Variants in CRACDL observed in about 807,000 individuals in gnomAD.
The protein encoded by CRACDL is CRACD like.
A neutral mutation model predicts 70.6 loss-of-function variants in CRACDL; 26 were observed. The ratio of observed to expected loss-of-function variants is 0.37; its 90% CI spans 0.27 to 0.51. The LOEUF (loss-of-function observed/expected upper bound fraction) is 0.51, where lower values mean the gene tolerates loss of function less well. Ranked by LOEUF, CRACDL falls within the 20% of genes least tolerant of loss-of-function variation. CRACDL has a pLI of 0.94. For missense variants in CRACDL, 1,283 were observed against 1,376.9 expected, an observed-to-expected ratio of 0.93 and a Z score of 1.08; for synonymous variants, 618 against 615.2, an observed-to-expected ratio of 1.00 and a Z score of -0.07.
intron 1 of CRACDL, among the ~76,000 whole-genome samples, chr2:98,920,205 C>T (rs1443853476): frequency 3.9e-5 from 6 of 152,196 alleles, no homozygotes; most frequent in African/African-American, 1.4e-4. Flanking sequence ...AACATCTCTA[C>T]CTGTACAATG....
At chr2:98,831,314 G>C (rs1194486010) in intron 5 of CRACDL, among the ~76,000 whole-genome samples, 1 of 152,152 alleles carries the variant, frequency 6.6e-6, no homozygotes, top group Admixed American at 6.5e-5. Context: ...TGACGTTCGG[G>C]GAACTCACAA....
At chr2:98,922,074 TTTTGA>T (rs1708816729) in intron 1 of CRACDL, among the ~76,000 whole-genome samples, 1 of 152,232 alleles carries the variant, frequency 6.6e-6, no homozygotes, top group Non-Finnish European at 1.5e-5. Context: ...TTTTCTTCTT[TTTTGA>T]TTTCTTTCTT....
At chr2:98,801,787 G>A (rs1313676798) in intron 7 of CRACDL, among the ~76,000 whole-genome samples, 1 of 152,228 alleles carries the variant, frequency 6.6e-6, no homozygotes, top group Non-Finnish European at 1.5e-5. Flanking sequence ...GCGTGGTTGT[G>A]AAGATTCTGT....
intron 7 of CRACDL, among the ~76,000 whole-genome samples, chr2:98,799,981 T>C (rs1376279302): frequency 6.6e-6 from 1 of 152,180 alleles, no homozygotes; most frequent in Non-Finnish European, 1.5e-5. Flanking sequence ...CAGCATTCTC[T>C]CTTCTACTCC....
chr2:98,822,750 C>T lies in CRACDL; in HGVS notation c.1523G>A (p.Gly508Asp). ...LKHRPAAASE[G>D]PAASPPLAAA... ...GGCAAGCGGCGGGGACGCGGCGGGGCCCTCGCTGGCGGCCGCGGGCCGGTG... is the reference window on the plus strand; with the variant it reads ...GGCAAGCGGCGGGGACGCGGCGGGGTCCTCGCTGGCGGCCGCGGGCCGGTG... The change falls in exon 7 of 10, where the codon GGC (glycine) becomes GAC (aspartate). Residue 508 changes from glycine (G) to aspartate (D), a missense_variant. Coordinates refer to ENST00000397899, the MANE Select transcript of CRACDL (RefSeq NM_207362.3). This position sits in a 1 kb window ranked among gnomAD's most constrained non-coding sequence, Gnocchi z 4.9. 1 of 1,266,908 alleles carries T rather than the reference C, an allele frequency of 7.9e-7. No homozygotes were observed. Among genetic ancestry groups the T allele is most frequent in the South Asian group, 3.1e-5 (1 of 32,756 alleles). The allele number at this position is 1,266,908 out of a possible 1,614,324, so 78.5% of individuals were successfully genotyped here.
intron 3 of CRACDL, among the ~76,000 whole-genome samples, chr2:98,837,380 G>A (rs1705840713): frequency 6.6e-6 from 1 of 151,852 alleles, no homozygotes; most frequent in South Asian, 2.1e-4. Context: ...ACCCATCTCA[G>A]CGTGGTCTGT....
intron 7 of CRACDL, among the ~76,000 whole-genome samples, chr2:98,802,563 G>GTGGGA (rs1704122754): frequency 6.6e-6 from 1 of 151,816 alleles, no homozygotes; most frequent in East Asian, 1.9e-4. Context: ...CTACGCCTAC[G>GTGGGA]TGGGACAGAT....
chr2:98,825,666 G>A (rs753687021), intron 6 of CRACDL, among the ~76,000 whole-genome samples: 10 of 152,292 alleles, frequency 6.6e-5, no homozygotes, highest in South Asian at 4.1e-4. Flanking sequence ...TTGAGTGACC[G>A]GACCTTGTCA....
Position 98,822,020 on chromosome 2 carries a change from C to A in CRACDL, c.2253G>T (p.Arg751=), listed in dbSNP as rs1386231016. 6.5e-7 allele frequency: 1 copy of A among 1,537,984 alleles called. No homozygotes were observed. The highest frequency in any genetic ancestry group is 2.0e-5 in the Admixed American group (1 of 50,330). Residue 751 remains arginine, a synonymous_variant, in exon 7 of 10, where the codon CGG becomes CGT. Transcript: ENST00000397899. The surrounding 1 kb of genome is among the most constrained non-coding windows in gnomAD (Gnocchi z 4.9). ...APSDQGKGKA[R]PPEPLSSKPP... The stretch of plus-strand genomic sequence containing the variant: ...GCTTGGAGCTGAGCGGCTCGGGGGG[C>A]CGGGCCTTCCCCTTTCCTTGGTCGC...
chr2:98,913,841 TG>T (rs748850140), intron 1 of CRACDL, among the ~76,000 whole-genome samples: 59 of 152,304 alleles, frequency 3.9e-4, no homozygotes, highest in Admixed American at 1.6e-3. Flanking sequence ...GTGAGAGCCC[TG>T]GCAAGGCACC....
At chr2:98,894,589 G>T (rs564742380) in intron 1 of CRACDL, among the ~76,000 whole-genome samples, 1 of 152,150 alleles carries the variant, frequency 6.6e-6, no homozygotes, top group East Asian at 1.9e-4. Flanking sequence ...TTATATATAC[G>T]CAATGAGAAA....
chr2:98,917,914 C>T (rs1708705748), intron 1 of CRACDL, among the ~76,000 whole-genome samples: 1 of 152,184 alleles, frequency 6.6e-6, no homozygotes, highest in South Asian at 2.1e-4. Context: ...AAGATAATGG[C>T]CTCCAGTTCC....
rs141380220 is a variant in CRACDL at position 98,889,845 on chromosome 2, C to T, written c.-10-43035G>A. 4.3e-4 allele frequency among the ~76,000 whole-genome samples: 66 copies of T among 152,196 alleles called. 1 individual carries two copies. The East Asian group carries it at 9.3e-3, about 21-fold the overall frequency. ...ACCACAACAGAATTGTTAGAAATCA[C>T]TAACAAAAGAAATTTGAGAAATTCA... On this transcript the variant is annotated intron_variant, in intron 1 of 9. Transcript: ENST00000397899.
rs1476539560 is a variant in CRACDL at position 98,794,257 on chromosome 2, G to C, written c.*275C>G. 2 of 304,174 alleles carry C rather than the reference G, an allele frequency of 6.6e-6. No homozygotes were observed. The highest frequency in any genetic ancestry group is 1.2e-5 in the Non-Finnish European group (2 of 165,646). 18.8% of individuals were successfully genotyped at this position (304,174 alleles called of 1,614,324 possible). On this transcript the variant is annotated 3_prime_UTR_variant, in exon 10 of 10. Transcript: ENST00000397899. ...CCTTGTCTGAGGCTTCTTTATCAAG[G>C]GAATTCGAAAAGACACATTCGTACC...
intron 1 of CRACDL, among the ~76,000 whole-genome samples, chr2:98,880,048 TG>T (rs141220747): frequency 0.036 from 5,505 of 152,354 alleles, 133 homozygotes; most frequent in Middle Eastern, 0.065. Flanking sequence ...TGATAAGTTC[TG>T]CATATCCCAC....
At chr2:98,901,453 C>T (rs983949759) in intron 1 of CRACDL, among the ~76,000 whole-genome samples, 1 of 152,312 alleles carries the variant, frequency 6.6e-6, no homozygotes. Flanking sequence ...GCTCAGAGCC[C>T]TGAAGGGCAG....
In CRACDL at chr2:98,822,533, T is replaced by C; in HGVS notation, c.1740A>G (p.Arg580=). 1 of 1,460,654 alleles carries C rather than the reference T, an allele frequency of 6.8e-7. No individual in the cohort carries two copies. Among genetic ancestry groups the C allele is most frequent in the Non-Finnish European group, 9.0e-7 (1 of 1,114,552 alleles). 90.5% of individuals were successfully genotyped at this position (1,460,654 alleles called of 1,614,324 possible). ...GAKKFSVSSC[R]ARPRPGVSRP... is the part of the protein sequence containing the mutation. The stretch of plus-strand genomic sequence containing the variant: ...GGGAGACGCCCGGACGAGGCCGCGC[T>C]CGGCACGAGGACACCGAGAACTTCT... The change falls in exon 7 of 10, where the codon CGA becomes CGG. Residue 580 remains arginine (R), a synonymous_variant. Transcript: ENST00000397899. The surrounding 1 kb of genome is among the most constrained non-coding windows in gnomAD (Gnocchi z 4.9).
At chr2:98,821,624 A>C (rs1705031603) in intron 7 of CRACDL, among the ~76,000 whole-genome samples, 1 of 152,248 alleles carries the variant, frequency 6.6e-6, no homozygotes, top group African/African-American at 2.4e-5. Flanking sequence ...TCAATGTTTT[A>C]AGAAAGTTTA....
intron 1 of CRACDL, among the ~76,000 whole-genome samples, chr2:98,901,243 A>G (rs939929173): frequency 1.3e-5 from 2 of 152,252 alleles, no homozygotes; most frequent in Non-Finnish European, 2.9e-5. Context: ...AAAGGGCTCA[A>G]TAAATGGTGA....
Sources: gnomAD v4.1 joint callset for allele counts (sites outside exome capture counted in the v4.1 genomes callset) on GRCh38, gnomAD v4.1.1 for gene constraint, Gnocchi (gnomAD v3.1) non-coding constraint, MANE v1.5 for transcripts, NCBI Gene and HGNC (gene_info 2026-07-23, HGNC 2026-07-21) for gene names.